CLNK: variants seen among roughly 807,000 people sequenced by gnomAD.
CLNK encodes cytokine-dependent hematopoietic cell linker.
CLNK carries 74 observed loss-of-function variants against 68.6 expected under a neutral mutation model. The ratio of observed to expected loss-of-function variants is 1.08; its 90% confidence interval spans 0.89 to 1.31. The LOEUF is 1.31. Among genes scored for constraint, CLNK ranks in the 50% most tolerant of loss-of-function variants. The pLI is 0.00. For missense variants in CLNK, 553 were observed against 515.3 expected (o/e 1.07, Z -0.71); for synonymous variants, 198 against 172.2 (o/e 1.15, Z -1.17).
chr4:10,488,231 G>T lies in CLNK; in HGVS notation c.*2236C>A, dbSNP rs7685344. On this transcript the variant is annotated 3_prime_UTR_variant, in exon 19 of 19. Transcript: ENST00000226951. ...GAGACGATAAAATATTATTTCAAAC[G>T]TACACCTTATCAAATGCTAACCCCC... is the stretch of plus-strand genomic sequence containing the variant. 5.2e-4 allele frequency: 79 copies of T among 152,148 alleles called. No homozygotes were observed. Among genetic ancestry groups the T allele is most frequent in the African/African-American group, 1.8e-3 (75 of 41,484 alleles). The allele number at this position is 152,148 out of a possible 1,614,324, so 9.4% of individuals were successfully genotyped here. A position where few individuals can be genotyped will look rare whatever the true frequency, so the allele number is the denominator to read the frequency against.
chr4:10,667,446 G>T (rs1301360312), intron 2 of CLNK, among the ~76,000 whole-genome samples: 7 of 145,344 alleles, frequency 4.8e-5, no homozygotes. Flanking sequence ...ACAAATTTCG[G>T]TGTCTCAGAC....
At chr4:10,620,243 G>A (rs913198851) in intron 2 of CLNK, among the ~76,000 whole-genome samples, 1 of 152,098 alleles carries the variant, frequency 6.6e-6, no homozygotes. Context: ...CACATGATCC[G>A]TAGTAGCCGT....
At chr4:10,720,646 G>T in the CLNK span, among the ~76,000 whole-genome samples, 4 of 77,588 alleles carry the variant, frequency 5.2e-5, no homozygotes, top group African/African-American at 1.4e-4. Context: ...CCACAAGAGA[G>T]ATGAAAATAA....
the CLNK span, among the ~76,000 whole-genome samples, chr4:10,694,028 T>G: frequency 1.3e-5 from 2 of 152,090 alleles, no homozygotes; most frequent in Non-Finnish European, 2.9e-5. Context: ...TGTCGTATCT[T>G]CTGGAGATGG....
intron 8 of CLNK, among the ~76,000 whole-genome samples, chr4:10,557,855 G>A (rs1719736311): frequency 6.6e-6 from 1 of 152,202 alleles, no homozygotes; most frequent in Non-Finnish European, 1.5e-5. Flanking sequence ...ATTGTAAGAG[G>A]AGATAGGGGC....
the CLNK span, among the ~76,000 whole-genome samples, chr4:10,715,008 A>G: frequency 6.6e-6 from 1 of 152,294 alleles, no homozygotes; most frequent in Non-Finnish European, 1.5e-5. Context: ...TATCAGTAAT[A>G]AAATGATCAT....
chr4:10,697,169 C>T, the CLNK span: 1 of 152,056 alleles, frequency 6.6e-6, no homozygotes, highest in Non-Finnish European at 1.5e-5. Context: ...TATTAAAATC[C>T]CTTCATAAAA....
rs147123435 is a variant in CLNK, at chr4:10,615,208, G to A, written c.12-17159C>T. Among the ~76,000 whole-genome samples the A allele has an allele frequency of 6.7e-4, 102 of 151,948 alleles. 1 individual carries two copies. The highest frequency in any genetic ancestry group is 1.6e-3 in the Admixed American group (25 of 15,278). ...AAAAAACAAGAAAGAGGCTGGGCGCGGTGGCTTATGCCTGTAATCCCAGCA... is the reference window on the plus strand; with the variant it reads ...AAAAAACAAGAAAGAGGCTGGGCGCAGTGGCTTATGCCTGTAATCCCAGCA... On this transcript the variant is annotated intron_variant, in intron 2 of 18. Coordinates refer to ENST00000226951, the MANE Select transcript of CLNK (RefSeq NM_052964.4).
At chr4:10,697,913 T>C in the CLNK span, among the ~76,000 whole-genome samples, 2 of 152,144 alleles carry the variant, frequency 1.3e-5, no homozygotes, top group Admixed American at 6.5e-5. Flanking sequence ...TCCAAGAAAT[T>C]GTAGATACTA....
At chr4:10,512,844 C>A (rs1024594743) in intron 16 of CLNK, among the ~76,000 whole-genome samples, 2 of 151,042 alleles carry the variant, frequency 1.3e-5, no homozygotes, top group Non-Finnish European at 2.9e-5. Context: ...CTTTATCCCC[C>A]CCACCATAGG....
At chr4:10,725,002 T>G in the CLNK span, among the ~76,000 whole-genome samples, 3 of 152,136 alleles carry the variant, frequency 2.0e-5, no homozygotes, top group Admixed American at 2.0e-4. Flanking sequence ...CACGGACACC[T>G]GTGAAGAAGG....
chr4:10,652,317 G>A (rs939393644), intron 2 of CLNK, among the ~76,000 whole-genome samples: 3 of 142,668 alleles, frequency 2.1e-5, no homozygotes, highest in Non-Finnish European at 4.5e-5. Context: ...AGCAGGTGGA[G>A]GTTGCAGTGA....
the CLNK span, among the ~76,000 whole-genome samples, chr4:10,715,915 G>C: frequency 6.6e-6 from 1 of 152,192 alleles, no homozygotes; most frequent in African/African-American, 2.4e-5. Flanking sequence ...CTGCTTGGCA[G>C]AGAGAAAACA....
At chr4:10,699,353 C>CCACATACGTGTGTGTAT in the CLNK span, among the ~76,000 whole-genome samples, 20 of 118,386 alleles carry the variant, frequency 1.7e-4, no homozygotes, top group South Asian at 1.1e-3. Flanking sequence ...TACACACACA[C>CCACATACGTGTGTGTAT]ACACACAGTC....
intron 3 of CLNK, among the ~76,000 whole-genome samples, chr4:10,596,700 A>G (rs1328160416): frequency 2.0e-5 from 3 of 152,172 alleles, no homozygotes; most frequent in Non-Finnish European, 4.4e-5. Context: ...AGGTTTATAA[A>G]TAGTTTGGAA....
At chr4:10,707,290 A>G in the CLNK span, among the ~76,000 whole-genome samples, 2 of 152,370 alleles carry the variant, frequency 1.3e-5, no homozygotes, top group Admixed American at 6.5e-5. Flanking sequence ...ATTTGTGATT[A>G]CATTCAAAGC....
intron 2 of CLNK, among the ~76,000 whole-genome samples, chr4:10,603,506 C>A (rs909797522): frequency 6.6e-6 from 1 of 152,174 alleles, no homozygotes; most frequent in Admixed American, 6.5e-5. Flanking sequence ...TCAGGAACTG[C>A]CGCAGGTTGG....
upstream of CLNK, among the ~76,000 whole-genome samples, chr4:10,688,370 A>T (rs1008431799): frequency 6.6e-6 from 1 of 152,112 alleles, no homozygotes; most frequent in Non-Finnish European, 1.5e-5. Context: ...GATCATGTGG[A>T]AGAATTACAG....
chr4:10,554,527 T>G (rs1358904127), intron 8 of CLNK, among the ~76,000 whole-genome samples: 8 of 152,206 alleles, frequency 5.3e-5, no homozygotes, highest in African/African-American at 1.9e-4. Flanking sequence ...TGAGGCCTAT[T>G]ATTTTTCTTG....
Sources: gnomAD v4.1 joint callset for allele counts (sites outside exome capture counted in the v4.1 genomes callset) on GRCh38, gnomAD v4.1.1 for gene constraint, MANE v1.5 for transcripts, NCBI Gene and HGNC (gene_info 2026-07-23, HGNC 2026-07-21) for gene names.